PCDHGA5: variants seen among roughly 807,000 people sequenced by gnomAD.
PCDHGA5 encodes the protein protocadherin gamma-A5.
PCDHGA5 carries 36 observed loss-of-function variants against 56.7 expected under a neutral mutation model. The ratio of observed to expected loss-of-function variants is 0.64; its 90% CI spans 0.49 to 0.84. The LOEUF is 0.84. PCDHGA5 is among the 40% of genes least tolerant of loss of function. PCDHGA5 has a pLI of 0.00. For missense variants in PCDHGA5, 1,305 were observed against 1,201.5 expected, an observed-to-expected ratio of 1.09 and a Z score of -1.27; for synonymous variants, 563 against 520.2, an observed-to-expected ratio of 1.08 and a Z score of -1.12.
At chr5:141,423,429 A>G (rs1590473158) in intron 1 of PCDHGA5, 2 of 1,613,960 alleles carry the variant, frequency 1.2e-6, no homozygotes, top group African/African-American at 1.3e-5. Flanking sequence ...GCGGGTTGGC[A>G]GGTATGCCCA....
chr5:141,486,425 A>C lies in PCDHGA5; in HGVS notation c.2422-8382A>C. The C allele has an allele frequency of 6.2e-7, 1 of 1,614,228 alleles. No homozygotes were observed. On this transcript the variant is annotated intron_variant, in intron 1 of 3. Transcript: ENST00000518069. This position sits in a 1 kb window ranked among gnomAD's most constrained non-coding sequence, Gnocchi z 5.0. Reference sequence around the variant, plus strand: ...TGCTGGACCCTTGGATCGAGAGGCCAAATCTAGCTATGACATCATGGTCAC... The same window carrying C: ...TGCTGGACCCTTGGATCGAGAGGCCCAATCTAGCTATGACATCATGGTCAC...
intron 1 of PCDHGA5, chr5:141,399,613 G>A: frequency 6.2e-7 from 1 of 1,613,928 alleles, no homozygotes; most frequent in Non-Finnish European, 8.5e-7. Context: ...AGAGCCTCTG[G>A]CACTGGCCTC....
rs2099883798 is a variant in PCDHGA5, at chr5:141,511,451, AT to A, written c.*281del. On this transcript the variant is annotated 3_prime_UTR_variant, in exon 4 of 4. Transcript: ENST00000518069. ...GGGGTTACTGTAGACACCAAGAACC[AT>A]TTGCCACACCCCGTTTAGTTACAGC... The A allele has an allele frequency of 3.3e-6, 2 of 606,372 alleles. No individual in the cohort carries two copies. Among genetic ancestry groups the A allele is most frequent in the African/African-American group, 1.9e-5 (1 of 53,734 alleles). 37.6% of individuals were successfully genotyped at this position (606,372 alleles called of 1,614,324 possible).
chr5:141,371,470 A>T (rs1215048137), intron 1 of PCDHGA5: 1 of 1,613,998 alleles, frequency 6.2e-7, no homozygotes, highest in Admixed American at 1.7e-5. Context: ...ATACAAGAAG[A>T]TGCTGAGCTG....
At chr5:141,443,977 AT>A (rs1443967001) in intron 1 of PCDHGA5, among the ~76,000 whole-genome samples, 1 of 152,020 alleles carries the variant, frequency 6.6e-6, no homozygotes, top group African/African-American at 2.4e-5. Context: ...CATCTAAGCT[AT>A]GTTAATTTTA....
chr5:141,370,950 C>T (rs78666647), intron 1 of PCDHGA5: 61,748 of 1,613,994 alleles, frequency 0.038, 1,384 homozygotes, highest in Middle Eastern at 0.054. Flanking sequence ...GAAGGAGAAC[C>T]TGGATGGCAG....
At chr5:141,388,953 G>A (rs1266765544) in intron 1 of PCDHGA5, 13 of 1,614,022 alleles carry the variant, frequency 8.1e-6, no homozygotes, top group Non-Finnish European at 1.1e-5. Context: ...AATTATGGAG[G>A]ACGCCGAGCT....
Position 141,489,087 on chromosome 5 carries a change from TGA to T in PCDHGA5, c.2422-5719_2422-5718del. The T allele has an allele frequency of 4.6e-6, 1 of 216,098 alleles. No individual in the cohort carries two copies. 13.4% of individuals were successfully genotyped at this position (216,098 alleles called of 1,614,324 possible). ...CCCCCTGCCCACCCCCGCCACTCGGTGACTAAGAACTGCTGCAAGCAGGCAAA... is the reference window on the plus strand; with the variant it reads ...CCCCCTGCCCACCCCCGCCACTCGGTCTAAGAACTGCTGCAAGCAGGCAAA... On this transcript the variant is annotated intron_variant, in intron 1 of 3. Transcript: ENST00000518069. The surrounding 1 kb of genome is among the most constrained non-coding windows in gnomAD (Gnocchi z 4.5).
chr5:141,469,697 T>G (rs2154570403), intron 1 of PCDHGA5, among the ~76,000 whole-genome samples: 1 of 152,392 alleles, frequency 6.6e-6, no homozygotes, highest in African/African-American at 2.4e-5. Context: ...TCCTATGACC[T>G]AGTAATCACA....
Position 141,491,874 on chromosome 5 carries a change from T to G in PCDHGA5, c.2422-2933T>G, listed in dbSNP as rs1160702024. On this transcript the variant is annotated intron_variant, in intron 1 of 3. Coordinates refer to ENST00000518069, the MANE Select transcript of PCDHGA5 (RefSeq NM_018918.3). The surrounding 1 kb of genome is among the most constrained non-coding windows in gnomAD (Gnocchi z 6.9). ...GTTTGCGCGAAACCAGAGTGGCCGA[T>G]TAAGGGATGGGGCTCCGAGCACCGG... 15 of 1,451,168 alleles carry G rather than the reference T, an allele frequency of 1.0e-5. No homozygotes were observed. The highest frequency in any genetic ancestry group is 1.4e-5 in the Non-Finnish European group (15 of 1,098,162). 89.9% of individuals were successfully genotyped at this position (1,451,168 alleles called of 1,614,324 possible). A position where few individuals can be genotyped will look rare whatever the true frequency, so the allele number is the denominator to read the frequency against.
At chr5:141,439,668 A>C (rs944454917) in intron 1 of PCDHGA5, among the ~76,000 whole-genome samples, 1 of 152,230 alleles carries the variant, frequency 6.6e-6, no homozygotes, top group Non-Finnish European at 1.5e-5. Context: ...CATGGAATGC[A>C]AATCCAAGAG....
chr5:141,447,805 G>T (rs1389870133), intron 1 of PCDHGA5, among the ~76,000 whole-genome samples: 2 of 152,064 alleles, frequency 1.3e-5, no homozygotes, highest in African/African-American at 4.8e-5. Context: ...AATAAAATTG[G>T]CTGGGCGTGG....
intron 1 of PCDHGA5, among the ~76,000 whole-genome samples, chr5:141,466,863 C>A (rs1409042461): frequency 1.3e-5 from 2 of 152,070 alleles, no homozygotes; most frequent in African/African-American, 4.8e-5. Context: ...ATTTTGAAAT[C>A]CACACATTTT....
intron 1 of PCDHGA5, chr5:141,383,567 C>A (rs752569196): frequency 6.2e-7 from 1 of 1,613,214 alleles, no homozygotes; most frequent in Non-Finnish European, 8.5e-7. Context: ...CCGCCCCGAT[C>A]CAGCACCGCC....
intron 1 of PCDHGA5, chr5:141,409,991 G>A: frequency 6.2e-6 from 10 of 1,613,320 alleles, no homozygotes; most frequent in Non-Finnish European, 7.6e-6. Flanking sequence ...GGTGGACGCC[G>A]ACTCGGGACA....
chr5:141,389,789 C>A (rs1437335316), intron 1 of PCDHGA5: 4 of 1,613,328 alleles, frequency 2.5e-6, no homozygotes, highest in African/African-American at 2.7e-5. Flanking sequence ...ACAGGGACGC[C>A]GTCCGCCAGC....
At chr5:141,475,957 G>A (rs776101269) in intron 1 of PCDHGA5, 148 of 812,416 alleles carry the variant, frequency 1.8e-4, no homozygotes, top group Non-Finnish European at 2.6e-4. Flanking sequence ...CTGCGCCCCG[G>A]GATGAGGCAG....
rs2090285300 is a variant in PCDHGA5 at position 141,385,561 on chromosome 5, TC to T, written c.2421+18812del. On this transcript the variant is annotated intron_variant, in intron 1 of 3. Coordinates refer to ENST00000518069, the MANE Select transcript of PCDHGA5 (RefSeq NM_018918.3). ...ATGTGGACTATCACATTTTATAATT[TC>T]CACCTACTTTCCAATCTATGTTCCA... The T allele has an allele frequency of 1.2e-5, 16 of 1,309,040 alleles. No homozygotes were observed. In the South Asian group the frequency reaches 3.4e-4, roughly 28 times the overall value. 81.1% of individuals were successfully genotyped at this position (1,309,040 alleles called of 1,614,324 possible).
chr5:141,471,046 C>CTT (rs1170588345), intron 1 of PCDHGA5, among the ~76,000 whole-genome samples: 26 of 113,248 alleles, frequency 2.3e-4, no homozygotes, highest in Non-Finnish European at 3.0e-4. Context: ...CCCAAGCCCT[C>CTT]TTTTTTTTTT....
Sources: gnomAD v4.1 joint callset for allele counts (sites outside exome capture counted in the v4.1 genomes callset) on GRCh38, gnomAD v4.1.1 for gene constraint, Gnocchi (gnomAD v3.1) non-coding constraint, MANE v1.5 for transcripts, NCBI Gene and HGNC (gene_info 2026-07-23, HGNC 2026-07-21) for gene names.